TRMT11: variants seen among roughly 807,000 people sequenced by gnomAD.
TRMT11 encodes tRNA methyltransferase 11.
A neutral mutation model predicts 62.8 loss-of-function variants in TRMT11; 53 were observed. The observed-to-expected ratio is 0.84, with a 90% confidence interval of 0.68 to 1.06. The LOEUF (loss-of-function observed/expected upper bound fraction) is 1.06. Among genes scored for constraint, TRMT11 ranks in the 50% least tolerant of loss-of-function variants. The probability of loss-of-function intolerance (pLI) is 0.00; values close to 1 mark genes in which losing one functional copy is unlikely to be tolerated. For synonymous variants in TRMT11, 188 were observed against 190.3 expected (o/e 0.99, Z 0.10); for missense variants, 556 against 553.4 (o/e 1.00, Z -0.05).
the TRMT11 span, among the ~76,000 whole-genome samples, chr6:126,217,566 T>G: frequency 6.6e-6 from 1 of 152,192 alleles, no homozygotes; most frequent in Non-Finnish European, 1.5e-5. Flanking sequence ...AAACTCTTGT[T>G]CTTTTCTTTC....
chr6:126,011,850 T>C (rs922557586), intron 9 of TRMT11, among the ~76,000 whole-genome samples: 11 of 152,236 alleles, frequency 7.2e-5, no homozygotes, highest in African/African-American at 2.2e-4. Context: ...ATTTGTGTTT[T>C]TGTAGTGCCT....
the TRMT11 span, among the ~76,000 whole-genome samples, chr6:126,240,980 G>A: frequency 1.3e-5 from 2 of 152,244 alleles, no homozygotes; most frequent in African/African-American, 4.8e-5. Flanking sequence ...CAATGAGCGA[G>A]GCTCCGTGGG....
In TRMT11 at chr6:125,986,585, T is replaced by G. The variant is rs767154396; in HGVS notation, c.35T>G (p.Leu12Arg). The G allele has an allele frequency of 3.1e-6, 5 of 1,589,648 alleles. No homozygotes were observed. Among genetic ancestry groups the G allele is most frequent in the Non-Finnish European group, 3.4e-6 (4 of 1,170,318 alleles). The change falls in exon 1 of 13, where the codon CTC becomes CGC. Residue 12 changes from leucine to arginine, a missense_variant. Coordinates refer to ENST00000334379, the MANE Select transcript of TRMT11 (RefSeq NM_001031712.3). ...ALSCTLNRYLLLMAQEHLEFR... is the reference protein window; with the variant it reads ...ALSCTLNRYLRLMAQEHLEFR... ...TCGTGTACCCTTAACAGGTATCTGC[T>G]CCTCATGGCGCAGGAGCATCTGGAG...
Position 126,013,104 on chromosome 6 carries a change from A to G in TRMT11, c.1139+3A>G. 4 of 1,596,540 alleles carry G rather than the reference A, an allele frequency of 2.5e-6. No individual in the cohort carries two copies. The highest frequency in any genetic ancestry group is 3.4e-6 in the Non-Finnish European group (4 of 1,174,984). The stretch of plus-strand genomic sequence containing the variant: ...TGGTTACCGGTGTATACGCCAGAGT[A>G]TGTAATCTTAATTTTATTTTTAATT... On this transcript the variant is annotated splice_donor_region_variant and intron_variant, in intron 11 of 12. Transcript: ENST00000334379.
At chr6:126,031,408 C>T (rs1053543248) in intron 12 of TRMT11, among the ~76,000 whole-genome samples, 1 of 152,102 alleles carries the variant, frequency 6.6e-6, no homozygotes, top group African/African-American at 2.4e-5. Context: ...GCTTCTTATC[C>T]TTAGAAAACT....
chr6:126,253,723 C>A, the TRMT11 span, among the ~76,000 whole-genome samples: 1 of 152,124 alleles, frequency 6.6e-6, no homozygotes, highest in Non-Finnish European at 1.5e-5. Context: ...GACTATAAAC[C>A]AGTGGTCACA....
chr6:126,032,736 G>A (rs144317056), intron 12 of TRMT11, among the ~76,000 whole-genome samples: 3 of 152,110 alleles, frequency 2.0e-5, no homozygotes, highest in Non-Finnish European at 2.9e-5. Flanking sequence ...ACCACTGTAC[G>A]TACAAGCTCT....
At chr6:126,052,541 A>C (rs1188201883) in intron 16 of TRMT11, among the ~76,000 whole-genome samples, 2 of 152,108 alleles carry the variant, frequency 1.3e-5, no homozygotes, top group African/African-American at 4.8e-5. Context: ...AAAAAATCCC[A>C]ATTTCCCTCT....
intron 17 of TRMT11, among the ~76,000 whole-genome samples, chr6:126,065,674 A>C (rs1776668516): frequency 6.6e-6 from 1 of 152,212 alleles, no homozygotes; most frequent in Non-Finnish European, 1.5e-5. Context: ...TATAAAATGA[A>C]TACTTGCAAA....
intron 1 of TRMT11, among the ~76,000 whole-genome samples, chr6:126,184,743 C>T (rs888842480): frequency 6.6e-6 from 1 of 152,164 alleles, no homozygotes; most frequent in Admixed American, 6.5e-5. Context: ...TAGGAGGATT[C>T]TGTGGGTTCC....
chr6:126,247,441 ATATC>A, the TRMT11 span, among the ~76,000 whole-genome samples: 31,807 of 132,304 alleles, frequency 0.24, 3,858 homozygotes, highest in Non-Finnish European at 0.28. Flanking sequence ...GACACAGAAC[ATATC>A]TATCTATCTA....
chr6:126,001,326 T>C (rs980489375), intron 7 of TRMT11, among the ~76,000 whole-genome samples: 2 of 152,112 alleles, frequency 1.3e-5, no homozygotes, highest in African/African-American at 4.8e-5. Context: ...TCTTTTTTTC[T>C]TTTATGAAAT....
At chr6:126,016,211 AAG>A (rs1397455458) in intron 11 of TRMT11, among the ~76,000 whole-genome samples, 2 of 152,178 alleles carry the variant, frequency 1.3e-5, no homozygotes, top group African/African-American at 4.8e-5. Context: ...TTCTGTAAGA[AAG>A]AGCTTTTCTT....
At chr6:126,032,122 C>T (rs1429980255) in intron 12 of TRMT11, among the ~76,000 whole-genome samples, 2 of 152,092 alleles carry the variant, frequency 1.3e-5, no homozygotes, top group Non-Finnish European at 2.9e-5. Flanking sequence ...ATTCCCCATC[C>T]CTACTCCCAG....
intron 21 of TRMT11, among the ~76,000 whole-genome samples, chr6:126,164,816 C>T (rs537766604): frequency 1.4e-4 from 21 of 151,748 alleles, no homozygotes; most frequent in African/African-American, 4.6e-4. Context: ...CTTTTTTTTG[C>T]GTTCCATTTC....
At chr6:126,215,290 A>T in the TRMT11 span, among the ~76,000 whole-genome samples, 1 of 151,958 alleles carries the variant, frequency 6.6e-6, no homozygotes, top group South Asian at 2.1e-4. Flanking sequence ...TGGGGTGTTG[A>T]AGTCTTCAAC....
chr6:126,155,913 A>G (rs1778114660), intron 21 of TRMT11, among the ~76,000 whole-genome samples: 1 of 151,816 alleles, frequency 6.6e-6, no homozygotes. Flanking sequence ...TTTTTAGTAG[A>G]GATGGGGTTT....
At chr6:126,259,162 T>G in the TRMT11 span, among the ~76,000 whole-genome samples, 3 of 152,236 alleles carry the variant, frequency 2.0e-5, no homozygotes, top group Admixed American at 6.5e-5. Flanking sequence ...TCTCATTTTT[T>G]TTATGGCTGC....
At chr6:126,081,390 T>C (rs1266597857) in intron 17 of TRMT11, among the ~76,000 whole-genome samples, 1 of 152,178 alleles carries the variant, frequency 6.6e-6, no homozygotes, top group Non-Finnish European at 1.5e-5. Context: ...GAGAAATTGA[T>C]TAGCTTGACA....
Sources: gnomAD v4.1 joint callset for allele counts (sites outside exome capture counted in the v4.1 genomes callset) on GRCh38, gnomAD v4.1.1 for gene constraint, MANE v1.5 for transcripts, NCBI Gene and HGNC (gene_info 2026-07-23, HGNC 2026-07-21) for gene names.